MBTD1: variants seen among roughly 807,000 people sequenced by gnomAD.
MBTD1 encodes MBT domain-containing protein 1.
Under a neutral mutation model 87.8 loss-of-function variants are expected in MBTD1, and 24 were observed. The ratio of observed to expected loss-of-function variants is 0.27; its 90% CI spans 0.20 to 0.38. The LOEUF is 0.38. Ranked by LOEUF, MBTD1 falls within the 10% of genes least tolerant of loss-of-function variation. The probability of loss-of-function intolerance (pLI) is 1.00; values close to 1 mark genes in which losing one functional copy is unlikely to be tolerated. For missense variants in MBTD1, 436 were observed against 760.2 expected (o/e 0.57, Z 5.02); for synonymous variants, 237 against 248.6 (o/e 0.95, Z 0.44).
intron 2 of MBTD1, among the ~76,000 whole-genome samples, chr17:51,229,905 G>GT (rs1469466148): frequency 6.6e-6 from 1 of 151,912 alleles, no homozygotes; most frequent in Non-Finnish European, 1.5e-5. Flanking sequence ...CATGATCCCC[G>GT]TCTCGGCCTC....
chr17:51,213,742 T>C (rs989959797), intron 6 of MBTD1, among the ~76,000 whole-genome samples: 1 of 152,160 alleles, frequency 6.6e-6, no homozygotes, highest in African/African-American at 2.4e-5. Flanking sequence ...ATTTTAGTGG[T>C]TTCCAGCCTC....
At chr17:51,204,536 T>C (rs1358663169) in intron 7 of MBTD1, among the ~76,000 whole-genome samples, 4 of 149,886 alleles carry the variant, frequency 2.7e-5, no homozygotes, top group Admixed American at 2.0e-4. Flanking sequence ...AGGGTCTTGC[T>C]CTATCGCCCA....
chr17:51,184,408 C>T (rs2050445270), intron 16 of MBTD1: 1 of 152,200 alleles, frequency 6.6e-6, no homozygotes, highest in African/African-American at 2.4e-5. Context: ...AGCTACGAAG[C>T]CCATAAATAA....
intron 7 of MBTD1, 65 bp downstream of exon 7, chr17:51,206,823 C>T (rs937678310): frequency 4.2e-5 from 48 of 1,137,760 alleles, no homozygotes; most frequent in Non-Finnish European, 6.2e-5. Context: ...TATAAACATG[C>T]TTTTTTTACG....
chr17:51,199,338 A>C (rs2051325799), intron 12 of MBTD1, among the ~76,000 whole-genome samples: 2 of 151,038 alleles, frequency 1.3e-5, no homozygotes, highest in Non-Finnish European at 3.0e-5. Flanking sequence ...TGCCCTTCTA[A>C]AGTGCTGGAA....
chr17:51,207,063 A>T lies in MBTD1; in HGVS notation c.487-58T>A, dbSNP rs1811186650. ...ATTAACATAAAGCCTAAAACATATCAATGAAAATTAAGCAGTACCATCAAT... is the reference window on the plus strand; with the variant it reads ...ATTAACATAAAGCCTAAAACATATCTATGAAAATTAAGCAGTACCATCAAT... On this transcript the variant is annotated intron_variant, in intron 6 of 16. Transcript: ENST00000586178. 4 of 897,470 alleles carry T rather than the reference A, an allele frequency of 4.5e-6. No homozygotes were observed. The Admixed American group carries it at 8.1e-5, about 18-fold the overall frequency. 55.6% of individuals were successfully genotyped at this position (897,470 alleles called of 1,614,324 possible).
rs1437049428 is a variant in MBTD1 at position 51,259,738 on chromosome 17, G to A, written c.-113+97C>T. The A allele has an allele frequency of 1.6e-5, 18 of 1,137,340 alleles. No individual in the cohort carries two copies. The East Asian group carries it at 1.6e-4, about 10-fold the overall frequency. The allele number at this position is 1,137,340 out of a possible 1,614,324, so 70.5% of individuals were successfully genotyped here. On this transcript the variant is annotated intron_variant, in intron 1 of 16. Transcript: ENST00000586178. ...GGCGTGGGATGGAGAAGCAGGCCAGGGAGCGGGGTCAGGGAGCTGCGGGGT... is the reference window on the plus strand; with the variant it reads ...GGCGTGGGATGGAGAAGCAGGCCAGAGAGCGGGGTCAGGGAGCTGCGGGGT...
At chr17:51,243,920 G>A (rs1265815498) in intron 2 of MBTD1, among the ~76,000 whole-genome samples, 1 of 152,196 alleles carries the variant, frequency 6.6e-6, no homozygotes, top group Admixed American at 6.5e-5. Context: ...GTCCTTAGGA[G>A]ACTCTGGTTA....
At chr17:51,242,644 C>G (rs1439103137) in intron 2 of MBTD1, among the ~76,000 whole-genome samples, 1 of 152,116 alleles carries the variant, frequency 6.6e-6, no homozygotes, top group African/African-American at 2.4e-5. Flanking sequence ...GATCACCCTT[C>G]TTGCAAAAAT....
intron 16 of MBTD1, among the ~76,000 whole-genome samples, chr17:51,190,588 G>A (rs763645679): frequency 5.3e-5 from 8 of 150,294 alleles, no homozygotes; most frequent in Non-Finnish European, 7.4e-5. Context: ...TGGGCATGGT[G>A]GTATACTCCT....
intron 16 of MBTD1, among the ~76,000 whole-genome samples, chr17:51,183,020 C>A (rs867910379): frequency 6.6e-6 from 1 of 152,196 alleles, no homozygotes; most frequent in African/African-American, 2.4e-5. Flanking sequence ...AACTCCTGAC[C>A]TCGTGACCCT....
chr17:51,196,602 A>C (rs918494340), intron 12 of MBTD1, among the ~76,000 whole-genome samples: 4 of 151,754 alleles, frequency 2.6e-5, no homozygotes, highest in Non-Finnish European at 5.9e-5. Context: ...CTATATTAAA[A>C]ATATTTTGGC....
At chr17:51,260,525 C>A (rs1026918239), upstream of MBTD1, 1 of 1,535,184 alleles carries the variant, frequency 6.5e-7, no homozygotes, top group Non-Finnish European at 8.7e-7. Context: ...CCGCGAGGGG[C>A]CTGGGCGCAT....
At chr17:51,252,848 AT>A (rs2054871757) in intron 2 of MBTD1, among the ~76,000 whole-genome samples, 1 of 152,064 alleles carries the variant, frequency 6.6e-6, no homozygotes, top group South Asian at 2.1e-4. Flanking sequence ...CTTGCTTTAT[AT>A]TTGGGTGTAT....
intron 2 of MBTD1, among the ~76,000 whole-genome samples, chr17:51,239,858 T>A (rs2054065063): frequency 6.6e-6 from 1 of 152,160 alleles, no homozygotes; most frequent in Non-Finnish European, 1.5e-5. Flanking sequence ...TAATCATAGG[T>A]CAGCTATCAT....
chr17:51,207,437 C>T (rs930519902), intron 6 of MBTD1, among the ~76,000 whole-genome samples: 1 of 152,054 alleles, frequency 6.6e-6, no homozygotes, highest in African/African-American at 2.4e-5. Flanking sequence ...TTTCCAACAA[C>T]ATGAATAAGA....
chr17:51,252,769 A>G (rs1180269945), intron 2 of MBTD1, among the ~76,000 whole-genome samples: 1 of 151,932 alleles, frequency 6.6e-6, no homozygotes, highest in Admixed American at 6.6e-5. Context: ...AACCCCAAAA[A>G]ACTGCAAATC....
At chr17:51,194,158 A>C (rs1463146646) in intron 13 of MBTD1, among the ~76,000 whole-genome samples, 1 of 152,196 alleles carries the variant, frequency 6.6e-6, no homozygotes, top group African/African-American at 2.4e-5. Flanking sequence ...AGCAAATACT[A>C]TTTTTTATAG....
chr17:51,188,077 A>G (rs2050628942), intron 16 of MBTD1, among the ~76,000 whole-genome samples: 1 of 152,212 alleles, frequency 6.6e-6, no homozygotes, highest in Admixed American at 6.5e-5. Context: ...CAAGAGCCAA[A>G]CCAAAATCAC....
Sources: allele counts gnomAD v4.1 joint callset (sites outside exome capture counted in the v4.1 genomes callset), GRCh38; gene constraint gnomAD v4.1.1; transcripts MANE v1.5; gene names NCBI Gene and HGNC (gene_info 2026-07-23, HGNC 2026-07-21).